Variants in NPAS3 observed in about 807,000 individuals in gnomAD.
The protein encoded by NPAS3 is neuronal PAS domain protein 3, also known as neuronal PAS domain-containing protein 3.
NPAS3 carries 14 observed loss-of-function variants against 73.1 expected under a neutral mutation model. The observed-to-expected ratio is 0.19, with a 90% CI of 0.13 to 0.30. The LOEUF (loss-of-function observed/expected upper bound fraction) is 0.30, where lower values mean the gene tolerates loss of function less well. NPAS3 is among the 10% of genes least tolerant of loss of function. The pLI, the probability that NPAS3 is intolerant of heterozygous loss-of-function variation, is 1.00. For missense variants in NPAS3, 1,096 were observed against 1,250.0 expected (o/e 0.88, Z 1.86); for synonymous variants, 620 against 541.5 (o/e 1.14, Z -2.01).
upstream of NPAS3, among the ~76,000 whole-genome samples, chr14:32,935,476 T>G (rs1282951686): frequency 6.6e-6 from 1 of 152,230 alleles, no homozygotes; most frequent in Non-Finnish European, 1.5e-5. Context: ...AACTTGCAAT[T>G]CTACATAATA....
At chr14:33,506,149 A>G (rs770879771) in intron 4 of NPAS3, among the ~76,000 whole-genome samples, 1 of 151,998 alleles carries the variant, frequency 6.6e-6, no homozygotes, top group Non-Finnish European at 1.5e-5. Context: ...CCAAAATACT[A>G]TACATTTATT....
Position 33,696,589 on chromosome 14 carries a change from T to C in NPAS3, c.733+20204T>C, listed in dbSNP as rs187604172. Among the ~76,000 whole-genome samples, 60 of 152,268 alleles carry C rather than the reference T, an allele frequency of 3.9e-4. 1 individual carries two copies. The highest frequency in any genetic ancestry group is 1.4e-3 in the African/African-American group (58 of 41,550). On this transcript the variant is annotated intron_variant, in intron 6 of 11. Transcript: ENST00000356141. ...ATAGGTGGACAGCAGCCTCCTGGAT[T>C]TTTATACTCTAATACCATATCCATA...
chr14:33,056,606 C>T (rs1275644193), intron 2 of NPAS3, among the ~76,000 whole-genome samples: 1 of 152,118 alleles, frequency 6.6e-6, no homozygotes, highest in Non-Finnish European at 1.5e-5. Flanking sequence ...CTTTGGGTAA[C>T]GAGGTGTTGT....
At chr14:33,202,595 T>A (rs2046661376) in intron 2 of NPAS3, among the ~76,000 whole-genome samples, 1 of 152,184 alleles carries the variant, frequency 6.6e-6, no homozygotes, top group Non-Finnish European at 1.5e-5. Context: ...TTATTTGTAG[T>A]GATAGAAATC....
chr14:33,008,184 T>C (rs549891581), intron 1 of NPAS3, among the ~76,000 whole-genome samples: 143 of 152,316 alleles, frequency 9.4e-4, no homozygotes, highest in Non-Finnish European at 1.5e-3. Context: ...ACAGCCTAAA[T>C]GTTCATTGAT....
chr14:32,995,964 A>G (rs1241186083), intron 1 of NPAS3, among the ~76,000 whole-genome samples: 3 of 152,244 alleles, frequency 2.0e-5, no homozygotes, highest in Non-Finnish European at 2.9e-5. Context: ...TCAGAAGAAG[A>G]CAGGAAAATG....
chr14:33,797,936 CTCTT>C (rs1288305039), intron 11 of NPAS3, among the ~76,000 whole-genome samples: 1 of 151,938 alleles, frequency 6.6e-6, no homozygotes, highest in Non-Finnish European at 1.5e-5. Context: ...TCTGACAGAT[CTCTT>C]TCTTTAAATA....
intron 3 of NPAS3, among the ~76,000 whole-genome samples, chr14:33,226,890 C>T (rs1215786880): frequency 1.3e-5 from 2 of 152,164 alleles, no homozygotes; most frequent in Non-Finnish European, 2.9e-5. Flanking sequence ...TAAAAACAGA[C>T]TGTGTACACA....
chr14:33,484,519 G>A (rs1435421152), intron 4 of NPAS3, among the ~76,000 whole-genome samples: 1 of 152,092 alleles, frequency 6.6e-6, no homozygotes. Context: ...TACCCAGAAA[G>A]GACTGTCAGA....
chr14:33,751,196 T>C (rs991715758), intron 7 of NPAS3, among the ~76,000 whole-genome samples: 5 of 152,172 alleles, frequency 3.3e-5, no homozygotes, highest in Non-Finnish European at 5.9e-5. Context: ...GTCAACAAAA[T>C]TTTTTGGAAT....
chr14:33,285,934 G>A (rs2041856359), intron 3 of NPAS3, among the ~76,000 whole-genome samples: 1 of 152,156 alleles, frequency 6.6e-6, no homozygotes, highest in Non-Finnish European at 1.5e-5. Context: ...CACGAGCAGT[G>A]CCTTGTAACC....
intron 6 of NPAS3, among the ~76,000 whole-genome samples, chr14:33,700,290 G>A (rs532181498): frequency 6.6e-6 from 1 of 152,254 alleles, no homozygotes; most frequent in South Asian, 2.1e-4. Flanking sequence ...TAGATGCCAC[G>A]ATGACAGGGC....
chr14:33,102,495 C>G (rs959395408), intron 2 of NPAS3, among the ~76,000 whole-genome samples: 1 of 152,150 alleles, frequency 6.6e-6, no homozygotes, highest in Non-Finnish European at 1.5e-5. Flanking sequence ...TCATATAGAG[C>G]TGCTTACCGG....
At chr14:32,956,115 G>A (rs888367276) in intron 1 of NPAS3, among the ~76,000 whole-genome samples, 4 of 151,814 alleles carry the variant, frequency 2.6e-5, no homozygotes, top group Admixed American at 6.6e-5. Flanking sequence ...ATGAATTCTG[G>A]AACAATGAAT....
At chr14:33,478,702 G>A (rs2051165700) in intron 4 of NPAS3, among the ~76,000 whole-genome samples, 2 of 152,180 alleles carry the variant, frequency 1.3e-5, no homozygotes, top group Admixed American at 6.5e-5. Context: ...TAATGATCTT[G>A]AATAGCCCTG....
chr14:33,405,360 G>A (rs568782099), intron 4 of NPAS3, among the ~76,000 whole-genome samples: 43 of 152,112 alleles, frequency 2.8e-4, no homozygotes, highest in Admixed American at 6.6e-4. Context: ...TGCAATTTAT[G>A]AGGGAAAGTC....
intron 4 of NPAS3, among the ~76,000 whole-genome samples, chr14:33,390,992 T>C (rs939260568): frequency 2.0e-5 from 3 of 152,138 alleles, no homozygotes; most frequent in African/African-American, 7.2e-5. Context: ...CCTTGGAACA[T>C]TGCAGATTTT....
At chr14:33,259,056 G>T (rs918216385) in intron 3 of NPAS3, among the ~76,000 whole-genome samples, 1 of 152,108 alleles carries the variant, frequency 6.6e-6, no homozygotes, top group Non-Finnish European at 1.5e-5. Flanking sequence ...CTCGTGATCC[G>T]CCCTCCTCGG....
intron 4 of NPAS3, among the ~76,000 whole-genome samples, chr14:33,367,517 T>C (rs2140419802): frequency 6.6e-6 from 1 of 152,286 alleles, no homozygotes; most frequent in East Asian, 1.9e-4. Flanking sequence ...TTGCACTATT[T>C]AGTTCATGCG....
Sources: gnomAD v4.1 joint callset for allele counts (sites outside exome capture counted in the v4.1 genomes callset) on GRCh38, gnomAD v4.1.1 for gene constraint, MANE v1.5 for transcripts, NCBI Gene and HGNC (gene_info 2026-07-23, HGNC 2026-07-21) for gene names.